Variants in PGAP6 observed in about 807,000 individuals in gnomAD.
PGAP6 encodes post-GPI attachment to proteins 6.
PGAP6 carries 62 observed loss-of-function variants against 68.4 expected under a neutral mutation model. The observed-to-expected ratio is 0.91, with a 90% CI of 0.74 to 1.12. The LOEUF is 1.12. Among genes scored for constraint, PGAP6 ranks in the 50% most tolerant of loss-of-function variants. The pLI, the probability that PGAP6 is intolerant of heterozygous loss-of-function variation, is 0.00. For synonymous variants in PGAP6, 575 were observed against 474.0 expected, an observed-to-expected ratio of 1.21 and a Z score of -2.77; for missense variants, 1,188 against 1,068.5, an observed-to-expected ratio of 1.11 and a Z score of -1.56.
intron 1 of PGAP6, among the ~76,000 whole-genome samples, chr16:379,147 G>GGGCGGGACCCTC (rs1301423121): frequency 2.0e-5 from 3 of 152,310 alleles, no homozygotes; most frequent in Admixed American, 6.5e-5. Flanking sequence ...ACACAGCAGG[G>GGGCGGGACCCTC]GGCGGGACCC....
In PGAP6 at chr16:372,746, T is replaced by C; in HGVS notation, c.1903-19A>G. The C allele has an allele frequency of 2.5e-6, 4 of 1,578,908 alleles. No homozygotes were observed. The highest frequency in any genetic ancestry group is 3.5e-6 in the Non-Finnish European group (4 of 1,152,852). The stretch of plus-strand genomic sequence containing the variant: ...ACAGCACCTGCGCAAGACACAGGGA[T>C]GACTGCAGGGACGTCTCTGAGGGCT... On this transcript the variant is annotated intron_variant, in intron 11 of 12. Transcript: ENST00000431232.
intron 3 of PGAP6, 75 bp from the exon 4 acceptor site, chr16:377,239 C>G (rs2054393127): frequency 5.0e-6 from 8 of 1,604,028 alleles, no homozygotes; most frequent in Non-Finnish European, 6.0e-6. Context: ...ACCAGACGCC[C>G]CCGGCATGCA....
At chr16:381,036 T>C (rs2054432999) in intron 1 of PGAP6, among the ~76,000 whole-genome samples, 1 of 152,250 alleles carries the variant, frequency 6.6e-6, no homozygotes, top group Non-Finnish European at 1.5e-5. Context: ...GCCTTCTCCC[T>C]GGTCCAGCCG....
At chr16:382,453 C>A, upstream of PGAP6, 2 of 374,672 alleles carry the variant, frequency 5.3e-6, no homozygotes, top group East Asian at 3.8e-5. Context: ...CCCGGGCCGG[C>A]CTTCACGCCG....
At chr16:383,660 C>A (rs1004382474), upstream of PGAP6, among the ~76,000 whole-genome samples, 1 of 152,342 alleles carries the variant, frequency 6.6e-6, no homozygotes, top group South Asian at 2.1e-4. Flanking sequence ...CAAAGCTCTA[C>A]CATTTGTGTA....
chr16:373,960 G>T, intron 11 of PGAP6, 45 bp downstream of exon 11: 1 of 1,550,252 alleles, frequency 6.5e-7, no homozygotes, highest in South Asian at 1.2e-5. Flanking sequence ...GCACTTGGGG[G>T]CCCTGCTCCC....
chr16:372,785 G>A, intron 11 of PGAP6, 58 bp from the exon 12 acceptor site: 1 of 1,294,584 alleles, frequency 7.7e-7, no homozygotes, highest in East Asian at 2.3e-5. Context: ...GGCCCAGCAG[G>A]AGCACGCGTA....
At chr16:386,956 C>A (rs1455508315), upstream of PGAP6, 5 of 571,388 alleles carry the variant, frequency 8.8e-6, no homozygotes, top group South Asian at 6.9e-5. Context: ...TGGAAGAGCA[C>A]CCCCAGGAGA....
rs752424094 is a variant in PGAP6 at position 375,400 on chromosome 16, G to A, written c.1260C>T (p.Cys420=). Residue 420 remains cysteine (C), a synonymous_variant, in exon 7 of 13, where the codon TGC becomes TGT. Coordinates refer to ENST00000431232, the MANE Select transcript of PGAP6 (RefSeq NM_021259.3). ...EMRNETVVVA[C]VNAASPFLGF... is the part of the protein sequence containing the mutation. ...CAAGGAAGGGCGAGGCAGCATTCAC[G>A]CAGGCCACTACGACGGTCTCGTTCC... 116 of 1,612,768 alleles carry A rather than the reference G, an allele frequency of 7.2e-5. No individual in the cohort carries two copies. Among genetic ancestry groups the A allele is most frequent in the Non-Finnish European group, 8.7e-5 (103 of 1,179,984 alleles).
chr16:371,803 C>G lies in PGAP6; in HGVS notation c.*184G>C. On this transcript the variant is annotated 3_prime_UTR_variant, in exon 13 of 13. Coordinates refer to ENST00000431232, the MANE Select transcript of PGAP6 (RefSeq NM_021259.3). Reference sequence around the variant, plus strand: ...AGGGATCTCAGCAGCGAGCAGGCAGCTGGCGAGGAGAGGTGCGTGTGAGGG... The same window carrying G: ...AGGGATCTCAGCAGCGAGCAGGCAGGTGGCGAGGAGAGGTGCGTGTGAGGG... The G allele has an allele frequency of 3.3e-6, 2 of 610,250 alleles. No homozygotes were observed. The highest frequency in any genetic ancestry group is 2.8e-6 in the Non-Finnish European group (1 of 351,346). The allele number at this position is 610,250 out of a possible 1,614,324, so 37.8% of individuals were successfully genotyped here.
upstream of PGAP6, chr16:386,726 CAAAA>C (rs10544230): frequency 1.5e-3 from 462 of 311,310 alleles, no homozygotes; most frequent in South Asian, 2.6e-3. Context: ...AAAAAAAAAC[CAAAA>C]AAAAAAAAAA....
chr16:386,625 T>A, upstream of PGAP6: 1 of 336,304 alleles, frequency 3.0e-6, no homozygotes, highest in Non-Finnish European at 5.6e-6. Context: ...GGGGCTTTTT[T>A]AGGCTCAACT....
rs758006028 is a variant in PGAP6, at chr16:375,182, T to C, written c.1390A>G (p.Thr464Ala). 1.9e-6 allele frequency: 3 copies of C among 1,613,294 alleles called. No homozygotes were observed. The highest frequency in any genetic ancestry group is 3.3e-5 in the Admixed American group (2 of 59,990). Residue 464 changes from threonine (T) to alanine (A), a missense_variant, in exon 8 of 13, where the codon ACA (threonine) becomes GCA (alanine). Transcript: ENST00000431232. Reference sequence around the variant, plus strand: ...TGCAGGGAGAGGTACCAGTTGTCTGTCTCTGGGTAGGGGATGATGAGGTTG... The same window carrying C: ...TGCAGGGAGAGGTACCAGTTGTCTGCCTCTGGGTAGGGGATGATGAGGTTG... ...RANLIIPYPETDNWYLSLQLM... is the reference protein window; with the variant it reads ...RANLIIPYPEADNWYLSLQLM...
chr16:377,919 C>G, intron 1 of PGAP6, 71 bp from the exon 2 acceptor site: 1 of 1,402,862 alleles, frequency 7.1e-7, no homozygotes, highest in African/African-American at 1.4e-5. Context: ...GGACGAGTCC[C>G]CCAGATGGAA....
upstream of PGAP6, chr16:383,472 A>C (rs530799520): frequency 3.9e-5 from 6 of 152,386 alleles, no homozygotes; most frequent in Admixed American, 1.3e-4. Flanking sequence ...CCAGTGAGTC[A>C]ATGTGGCACC....
In PGAP6 at chr16:381,781, G is replaced by A. The variant is rs1423837262; in HGVS notation, c.41C>T (p.Ala14Val). The A allele has an allele frequency of 2.5e-6, 3 of 1,180,694 alleles. No homozygotes were observed. The highest frequency in any genetic ancestry group is 3.1e-6 in the Non-Finnish European group (3 of 954,526). 73.1% of individuals were successfully genotyped at this position (1,180,694 alleles called of 1,614,324 possible). Residue 14 changes from alanine to valine, a missense_variant, in exon 1 of 13, where the codon GCC becomes GTC. Transcript: ENST00000431232. ...AGTGTGGEAVAAVVAGPLLLL... is the reference protein window; with the variant it reads ...AGTGTGGEAVVAVVAGPLLLL... The stretch of plus-strand genomic sequence containing the variant: ...CAGCAGCGGCCCCGCCACCACCGCG[G>A]CCACCGCCTCGCCCCCGGTCCCGGT...
rs752353943 is a variant in PGAP6 at position 375,177 on chromosome 16, G to T, written c.1395C>A (p.Asp465Glu). 1.2e-5 allele frequency: 20 copies of T among 1,613,370 alleles called. No homozygotes were observed. In the East Asian group the frequency reaches 3.1e-4, roughly 25 times the overall value. The change falls in exon 8 of 13, where the codon GAC (aspartate) becomes GAA (glutamate). Residue 465 changes from aspartate to glutamate, a missense_variant. By Grantham distance (45) the Asp-to-Glu change is conservative. Transcript: ENST00000431232. The part of the protein sequence containing the change: ...ANLIIPYPET[D>E]NWYLSLQLMC... ...TGAGCTGCAGGGAGAGGTACCAGTT[G>T]TCTGTCTCTGGGTAGGGGATGATGA...
Position 374,116 on chromosome 16 carries a change from C to T in PGAP6, c.1791G>A (p.Val597=). 1.2e-6 allele frequency: 2 copies of T among 1,611,492 alleles called. No homozygotes were observed. The highest frequency in any genetic ancestry group is 8.5e-7 in the Non-Finnish European group (1 of 1,179,956). The change falls in exon 11 of 13, where the codon GTG becomes GTA. Residue 597 remains valine (V), a synonymous_variant. Coordinates refer to ENST00000431232, the MANE Select transcript of PGAP6 (RefSeq NM_021259.3). ...YHACDQPGEA[V]LCILSYDTLQ... is the part of the protein sequence containing the mutation. The stretch of plus-strand genomic sequence containing the variant: ...GCGTGTCGTAGCTGAGGATGCACAG[C>T]ACCGCCTCCCCGGGCTGGTCGCAGG...
At chr16:381,561 T>G (rs1470918092) in intron 1 of PGAP6, 140 bp downstream of exon 1, 1 of 572,938 alleles carries the variant, frequency 1.7e-6, no homozygotes, top group African/African-American at 2.0e-5. Context: ...AGGGCCACTG[T>G]GCACCCCCAA....
Sources: allele counts gnomAD v4.1 joint callset (sites outside exome capture counted in the v4.1 genomes callset), GRCh38; gene constraint gnomAD v4.1.1; transcripts MANE v1.5; gene names NCBI Gene and HGNC (gene_info 2026-07-23, HGNC 2026-07-21).